The following TTLL9 variants were observed in gnomAD, a reference collection of about 807,000 sequenced individuals.
TTLL9 encodes the protein tubulin tyrosine ligase like 9, also known as probable tubulin polyglutamylase TTLL9.
In TTLL9, 47 loss-of-function variants were observed where a neutral mutation model predicts 65.6. That is an observed-to-expected ratio of 0.72 (90% CI 0.57 to 0.91). The LOEUF is 0.91. Among genes scored for constraint, TTLL9 ranks in the 40% least tolerant of loss-of-function variants. The pLI, the probability that TTLL9 is intolerant of heterozygous loss-of-function variation, is 0.00. For missense variants in TTLL9, 537 were observed against 568.8 expected, an observed-to-expected ratio of 0.94 and a Z score of 0.57; for synonymous variants, 179 against 204.8, an observed-to-expected ratio of 0.87 and a Z score of 1.07.
At chr20:31,934,385 C>T (rs1415068048) in intron 11 of TTLL9, 2 of 565,280 alleles carry the variant, frequency 3.5e-6, no homozygotes, top group Admixed American at 2.2e-5. Flanking sequence ...GTCGGTCACT[C>T]CTTGGCCTTG....
At position 31,943,331 on chromosome 20, in the gene TTLL9, C is replaced by T; in HGVS notation, c.*310C>T. The T allele has an allele frequency of 2.3e-6, 1 of 429,732 alleles. No individual in the cohort carries two copies. The highest frequency in any genetic ancestry group is 4.4e-6 in the Non-Finnish European group (1 of 229,664). 26.6% of individuals were successfully genotyped at this position (429,732 alleles called of 1,614,324 possible). Reference sequence around the variant, plus strand: ...GCAAGTTCTGCTACCCCCAGGAGATCATATCTAATAAATGAGCACAGGCCC... The same window carrying T: ...GCAAGTTCTGCTACCCCCAGGAGATTATATCTAATAAATGAGCACAGGCCC... On this transcript the variant is annotated 3_prime_UTR_variant, in exon 15 of 15. Transcript: ENST00000535842.
chr20:31,924,144 C>G (rs552678859), intron 8 of TTLL9, among the ~76,000 whole-genome samples: 76 of 152,218 alleles, frequency 5.0e-4, no homozygotes, highest in African/African-American at 1.7e-3. Flanking sequence ...GGCCATTCCT[C>G]TCACCTCCAC....
At position 31,939,147 on chromosome 20, in the gene TTLL9, C is replaced by A; in HGVS notation, c.1124C>A (p.Thr375Lys). The A allele has an allele frequency of 1.9e-6, 3 of 1,583,588 alleles. No homozygotes were observed. The highest frequency in any genetic ancestry group is 2.6e-6 in the Non-Finnish European group (3 of 1,164,918). Residue 375 changes from threonine (T) to lysine (K), a missense_variant, in exon 14 of 15, where the codon ACG (threonine) becomes AAG (lysine). By Grantham distance (78) the Thr-to-Lys change is moderately conservative (BLOSUM62 -1). This residue lies in a region of TTLL9 where 205 missense variants were observed against 225.9 expected (regional missense o/e 0.91). Coordinates refer to ENST00000535842, the MANE Select transcript of TTLL9 (RefSeq NM_001008409.5). ...LHVVDMEARL[T>K]GREKRVGGFD... ...TGGGCCTCCTTCCTGTCCAGGCTCA[C>A]GGGAAGGGAGAAGCGAGTCGGGGGC... is the stretch of plus-strand genomic sequence containing the variant.
chr20:31,925,085 G>C, intron 9 of TTLL9, 36 bp downstream of exon 9: 3 of 1,612,710 alleles, frequency 1.9e-6, no homozygotes, highest in Non-Finnish European at 2.5e-6. Context: ...CTCCAGCAGG[G>C]GTTAAAGGGT....
chr20:31,924,568 T>C (rs1274897695), intron 8 of TTLL9, among the ~76,000 whole-genome samples: 2 of 149,212 alleles, frequency 1.3e-5, no homozygotes, highest in Non-Finnish European at 3.0e-5. Flanking sequence ...TATTCTCTCT[T>C]TATACCTTGT....
At chr20:31,924,830 G>A (rs2063871382) in intron 8 of TTLL9, among the ~76,000 whole-genome samples, 179 bp from the exon 9 acceptor site, 1 of 152,146 alleles carries the variant, frequency 6.6e-6, no homozygotes, top group Admixed American at 6.5e-5. Flanking sequence ...TCCTGCCTCA[G>A]CCTCCCAAAG....
At position 31,942,955 on chromosome 20, in the gene TTLL9, C is replaced by T. The variant is rs1230173477; in HGVS notation, c.1254C>T (p.Asn418=). The T allele has an allele frequency of 7.4e-6, 12 of 1,613,992 alleles. No homozygotes were observed. Among genetic ancestry groups the T allele is most frequent in the Middle Eastern group, 1.6e-4 (1 of 6,084 alleles). ...CCACTTCCTTTCCAGGCTGCGTCAA[C>T]GATCGGAAGAAACAACTGAGGCAGC... ...FVTNTHLGCV[N]DRKKQLRQLF... Residue 418 remains asparagine, a synonymous_variant, in exon 15 of 15, where the codon AAC becomes AAT. Coordinates refer to ENST00000535842, the MANE Select transcript of TTLL9 (RefSeq NM_001008409.5).
intron 3 of TTLL9, among the ~76,000 whole-genome samples, chr20:31,887,855 C>CCTCTTCTCTCCTCTTCTCTTCTCTT (rs2063215872): frequency 2.6e-5 from 3 of 114,926 alleles, no homozygotes; most frequent in East Asian, 2.5e-4. Context: ...TATCTCCTCT[C>CCTCTTCTCTCCTCTTCTCTTCTCTT]CTCTTCTCTT....
intron 10 of TTLL9, among the ~76,000 whole-genome samples, chr20:31,927,646 A>G (rs1464335324): frequency 1.3e-5 from 2 of 152,224 alleles, no homozygotes; most frequent in Non-Finnish European, 2.9e-5. Flanking sequence ...TAGACACATC[A>G]AAAGAAGTTT....
rs555400395 is a variant in TTLL9 at position 31,944,705 on chromosome 20, A to G, written c.*1684A>G. 5.9e-5 allele frequency: 9 copies of G among 152,326 alleles called. No homozygotes were observed. In the South Asian group the frequency reaches 8.3e-4, roughly 14 times the overall value. The allele number at this position is 152,326 out of a possible 1,614,324, so 9.4% of individuals were successfully genotyped here. A position where few individuals can be genotyped will look rare whatever the true frequency, so the allele number is the denominator to read the frequency against. On this transcript the variant is annotated 3_prime_UTR_variant, in exon 15 of 15. Coordinates refer to ENST00000535842, the MANE Select transcript of TTLL9 (RefSeq NM_001008409.5). ...AAAAGGAGATTCAACTTCACAACCCATATGTCTAGCTTCTCTTGAAAACAC... is the reference window on the plus strand; with the variant it reads ...AAAAGGAGATTCAACTTCACAACCCGTATGTCTAGCTTCTCTTGAAAACAC...
intron 3 of TTLL9, among the ~76,000 whole-genome samples, chr20:31,890,096 C>CCCTT (rs2063276159): frequency 1.4e-5 from 1 of 73,882 alleles, no homozygotes; most frequent in Non-Finnish European, 2.5e-5. Flanking sequence ...TGCTTTCTTT[C>CCCTT]CCTCCCTTCC....
rs2063365189 is a variant in TTLL9, at chr20:31,895,212, AAAAG to A, written c.114-3256_114-3253del. On this transcript the variant is annotated intron_variant, in intron 3 of 14. Coordinates refer to ENST00000535842, the MANE Select transcript of TTLL9 (RefSeq NM_001008409.5). ...AGAGGAGATTTACGTAAGTTGTTTC[AAAAG>A]AAAGTTCATTGGCGCTAGCAGTGTT... 3.3e-5 allele frequency among the ~76,000 whole-genome samples: 5 copies of A among 152,326 alleles called. No individual in the cohort carries two copies. In the South Asian group the frequency reaches 1.0e-3, roughly 32 times the overall value.
At chr20:31,879,191 T>C (rs973995653) in intron 2 of TTLL9, among the ~76,000 whole-genome samples, 1 of 152,128 alleles carries the variant, frequency 6.6e-6, no homozygotes, top group African/African-American at 2.4e-5. Context: ...CATGGTGGCA[T>C]GCACCTGTAA....
At chr20:31,925,512 GCCTACT>G (rs2063886010) in intron 9 of TTLL9, among the ~76,000 whole-genome samples, 1 of 152,158 alleles carries the variant, frequency 6.6e-6, no homozygotes, top group Non-Finnish European at 1.5e-5. Flanking sequence ...TGGCCTCAGA[GCCTACT>G]CTTTTAACCA....
At position 31,893,440 on chromosome 20, in the gene TTLL9, G is replaced by A. The variant is rs564752358; in HGVS notation, c.114-5033G>A. ...TGAATAGCTGGGATTACAGGTACCC[G>A]CCACTACGCCTGGCTAATTTTTGTA... is the stretch of plus-strand genomic sequence containing the variant. On this transcript the variant is annotated intron_variant, in intron 3 of 14. Transcript: ENST00000535842. Among the ~76,000 whole-genome samples the A allele has an allele frequency of 1.4e-4, 22 of 151,862 alleles. No homozygotes were observed. In the South Asian group the frequency reaches 4.6e-3, roughly 32 times the overall value.
intron 6 of TTLL9, among the ~76,000 whole-genome samples, chr20:31,916,961 A>G (rs1169082569): frequency 6.6e-6 from 1 of 152,142 alleles, no homozygotes; most frequent in East Asian, 1.9e-4. Context: ...AGCCTCCCTC[A>G]TGAGAGGTGG....
chr20:31,916,896 A>G (rs2063743005), intron 6 of TTLL9, among the ~76,000 whole-genome samples: 1 of 152,188 alleles, frequency 6.6e-6, no homozygotes, highest in Non-Finnish European at 1.5e-5. Context: ...AAAACTGGTC[A>G]TGTGGTTTCC....
At chr20:31,937,559 C>T (rs757406569) in intron 13 of TTLL9, 50 bp downstream of exon 13, 3 of 1,480,668 alleles carry the variant, frequency 2.0e-6, no homozygotes, top group East Asian at 2.3e-5. Context: ...ACAACTGAGG[C>T]TCCCACCAAG....
Position 31,917,904 on chromosome 20 carries a change from G to C in TTLL9, c.505-1960G>C, listed in dbSNP as rs913903901. ...GAGTTTTTAAGGATTCAGGGCGGGA[G>C]AGTTTATTAGAGGCTTGGACTGCTT... is the stretch of plus-strand genomic sequence containing the variant. On this transcript the variant is annotated intron_variant, in intron 6 of 14. Transcript: ENST00000535842. Among the ~76,000 whole-genome samples, 10 of 152,176 alleles carry C rather than the reference G, an allele frequency of 6.6e-5. No individual in the cohort carries two copies. The South Asian group carries it at 2.1e-3, about 32-fold the overall frequency.
Sources: gnomAD v4.1 joint callset for allele counts (sites outside exome capture counted in the v4.1 genomes callset) on GRCh38, gnomAD v4.1.1 for gene constraint, gnomAD v4.1.1 regional missense constraint, MANE v1.5 for transcripts, NCBI Gene and HGNC (gene_info 2026-07-23, HGNC 2026-07-21) for gene names.